ZNF48: variants seen among roughly 807,000 people sequenced by gnomAD.
ZNF48 encodes the protein zinc finger protein 553.
A neutral mutation model predicts 40.0 loss-of-function variants in ZNF48; 20 were observed. The ratio of observed to expected loss-of-function variants is 0.50; its 90% confidence interval spans 0.35 to 0.73. The LOEUF is 0.73. ZNF48 is among the 30% of genes least tolerant of loss of function. ZNF48 has a pLI of 0.01. For synonymous variants in ZNF48, 298 were observed against 329.7 expected, an observed-to-expected ratio of 0.90 and a Z score of 1.04; for missense variants, 726 against 851.9, an observed-to-expected ratio of 0.85 and a Z score of 1.84.
At position 30,397,795 on chromosome 16, in the gene ZNF48, G is replaced by C. The variant is rs958634708; in HGVS notation, c.545G>C (p.Arg182Pro). Residue 182 changes from arginine (R) to proline (P), a missense_variant, in exon 3 of 3, where the codon CGG (arginine) becomes CCG (proline). By Grantham distance (103) the Arg-to-Pro change is moderately radical. Coordinates refer to ENST00000613509, the MANE Select transcript of ZNF48 (RefSeq NM_001214909.2). This position sits in a 1 kb window ranked among gnomAD's most constrained non-coding sequence, Gnocchi z 4.1. ...PPAQGPPKIP[R>P]SRIPAGERPT... ...GCCCAGGGTCCCCCAAAGATTCCTC[G>C]GTCCCGGATCCCTGCTGGTGAGCGC... The C allele has an allele frequency of 1.2e-6, 2 of 1,613,340 alleles. No homozygotes were observed. Among genetic ancestry groups the C allele is most frequent in the African/African-American group, 1.3e-5 (1 of 74,736 alleles).
chr16:30,387,273 G>A (rs1597013454), intron 1 of ZNF48, among the ~76,000 whole-genome samples: 1 of 144,982 alleles, frequency 6.9e-6, no homozygotes, highest in Non-Finnish European at 1.5e-5. Context: ...ACAGTGTTTC[G>A]GCGGGGCGCC....
chr16:30,383,756 C>T (rs1387918984), intron 1 of ZNF48, among the ~76,000 whole-genome samples: 5 of 152,202 alleles, frequency 3.3e-5, no homozygotes, highest in Non-Finnish European at 7.3e-5. Context: ...GCCTCATCAC[C>T]CCATCTCTCA....
At chr16:30,394,319 A>G (rs1157181120), upstream of ZNF48, among the ~76,000 whole-genome samples, 1 of 152,212 alleles carries the variant, frequency 6.6e-6, no homozygotes, top group Admixed American at 6.5e-5. Context: ...AATGTGAATT[A>G]ATGCATAAAC....
intron 2 of ZNF48, among the ~76,000 whole-genome samples, chr16:30,396,309 C>T (rs1443255103): frequency 6.6e-6 from 1 of 152,148 alleles, no homozygotes; most frequent in Non-Finnish European, 1.5e-5. Flanking sequence ...CAGGTTAGTC[C>T]CAACATCCTT....
At chr16:30,379,640 CTT>C (rs71149011) in intron 1 of ZNF48, 3,958 of 236,986 alleles carry the variant, frequency 0.017, no homozygotes, top group Non-Finnish European at 0.02. Flanking sequence ...GCCCCTTCCT[CTT>C]TTTTTTTTTT....
At position 30,382,296 on chromosome 16, in the gene ZNF48, C is replaced by T; in HGVS notation, c.-16+3886C>T. Reference sequence around the variant, plus strand: ...AGACCTGCCACCATTAGCGTGAAGTCAAACCCCTTCTTGACAGACTTGCGG... The same window carrying T: ...AGACCTGCCACCATTAGCGTGAAGTTAAACCCCTTCTTGACAGACTTGCGG... On this transcript the variant is annotated intron_variant, in intron 1 of 2. Transcript: ENST00000528032. This position sits in a 1 kb window ranked among gnomAD's most constrained non-coding sequence, Gnocchi z 4.8. The T allele has an allele frequency of 6.2e-7, 1 of 1,613,878 alleles. No individual in the cohort carries two copies. The highest frequency in any genetic ancestry group is 8.5e-7 in the Non-Finnish European group (1 of 1,179,828).
Position 30,395,781 on chromosome 16 carries a change from G to A in ZNF48, c.-14G>A, listed in dbSNP as rs1256243687. On this transcript the variant is annotated splice_region_variant and 5_prime_UTR_variant, in exon 2 of 3. Transcript: ENST00000613509. This position sits in a 1 kb window ranked among gnomAD's most constrained non-coding sequence, Gnocchi z 5.9. ...GATGCTGTCTGTCCCCTTGCTCAGGGCGGCGTGCCGGCGATGGAGCGCGCG... is the reference window on the plus strand; with the variant it reads ...GATGCTGTCTGTCCCCTTGCTCAGGACGGCGTGCCGGCGATGGAGCGCGCG... The A allele has an allele frequency of 6.5e-7, 1 of 1,535,888 alleles. No homozygotes were observed. The highest frequency in any genetic ancestry group is 1.9e-5 in the Admixed American group (1 of 51,718).
In ZNF48 at chr16:30,398,156, CT is replaced by C; in HGVS notation, c.909del (p.Phe303LeufsTer17). ...HQRSHLGPKP[F>X]GCDVCGKEFA... is the part of the protein sequence containing the mutation. ...AGCGTAGTCACTTGGGGCCCAAGCCCTTTGGCTGTGATGTGTGTGGAAAGGA... is the reference window on the plus strand; with the variant it reads ...AGCGTAGTCACTTGGGGCCCAAGCCCTTGGCTGTGATGTGTGTGGAAAGGA... On this transcript the variant is annotated frameshift_variant, in exon 3 of 3. Coordinates refer to ENST00000613509, the MANE Select transcript of ZNF48 (RefSeq NM_001214909.2). LOFTEE classifies it high-confidence loss of function. This position sits in a 1 kb window ranked among gnomAD's most constrained non-coding sequence, Gnocchi z 6.6. The C allele has an allele frequency of 6.2e-7, 1 of 1,614,028 alleles. No individual in the cohort carries two copies. The highest frequency in any genetic ancestry group is 8.5e-7 in the Non-Finnish European group (1 of 1,179,928).
chr16:30,383,932 A>T (rs2049879067), intron 1 of ZNF48, among the ~76,000 whole-genome samples: 1 of 152,070 alleles, frequency 6.6e-6, no homozygotes, highest in Admixed American at 6.6e-5. Flanking sequence ...GATTCCCAGC[A>T]CCTGGCTGGC....
chr16:30,381,336 G>A lies in ZNF48; in HGVS notation c.-16+2926G>A, dbSNP rs1342652545. ...GCCAGCCCCCAGGATCCCCCCACCAGACCCCCGGCCGAAGGGTGAGATGAA... is the reference window on the plus strand; with the variant it reads ...GCCAGCCCCCAGGATCCCCCCACCAAACCCCCGGCCGAAGGGTGAGATGAA... On this transcript the variant is annotated intron_variant, in intron 1 of 2. Coordinates refer to the ZNF48 transcript ENST00000528032. The surrounding 1 kb of genome is among the most constrained non-coding windows in gnomAD (Gnocchi z 4.3). 2.5e-6 allele frequency: 4 copies of A among 1,571,970 alleles called. No homozygotes were observed. The highest frequency in any genetic ancestry group is 1.7e-6 in the Non-Finnish European group (2 of 1,146,356).
In ZNF48 at chr16:30,395,493, C is replaced by A; in HGVS notation, c.-101C>A. ...CCGGCTTGGCGCGGAGCCTGCATCC[C>A]GGAGCCGCTGGCGGCTCGGGCGCCT... On this transcript the variant is annotated 5_prime_UTR_variant, in exon 1 of 3. Transcript: ENST00000613509. This position sits in a 1 kb window ranked among gnomAD's most constrained non-coding sequence, Gnocchi z 5.9. 3.1e-6 allele frequency: 1 copy of A among 319,512 alleles called. No individual in the cohort carries two copies. Among genetic ancestry groups the A allele is most frequent in the Non-Finnish European group, 6.1e-6 (1 of 163,394 alleles). 19.8% of individuals were successfully genotyped at this position (319,512 alleles called of 1,614,324 possible).
At chr16:30,394,140 G>C (rs2049962236), upstream of ZNF48, among the ~76,000 whole-genome samples, 1 of 151,886 alleles carries the variant, frequency 6.6e-6, no homozygotes, top group African/African-American at 2.4e-5. Flanking sequence ...CAGGTTCAGG[G>C]AATCCTCTCA....
intron 1 of ZNF48, chr16:30,383,027 A>T (rs2049871444): frequency 1.8e-6 from 1 of 546,226 alleles, no homozygotes; most frequent in Non-Finnish European, 3.3e-6. Flanking sequence ...ACAAAACATT[A>T]AAAAATTAGC....
rs769990472 is a variant in ZNF48 at position 30,398,771 on chromosome 16, G to A, written c.1521G>A (p.Arg507=). The A allele has an allele frequency of 6.2e-7, 1 of 1,613,542 alleles. No individual in the cohort carries two copies. Among genetic ancestry groups the A allele is most frequent in the Non-Finnish European group, 8.5e-7 (1 of 1,179,988 alleles). Residue 507 remains arginine, a synonymous_variant, in exon 3 of 3, where the codon CGG becomes CGA. Coordinates refer to ENST00000613509, the MANE Select transcript of ZNF48 (RefSeq NM_001214909.2). This position sits in a 1 kb window ranked among gnomAD's most constrained non-coding sequence, Gnocchi z 6.6. ...HLRTHRGERA[R]PPPPSTLLRP... ...GCACCCACCGTGGTGAACGGGCCCGGCCACCACCACCATCCACTCTGCTGC... is the reference window on the plus strand; with the variant it reads ...GCACCCACCGTGGTGAACGGGCCCGACCACCACCACCATCCACTCTGCTGC...
In ZNF48 at chr16:30,381,302, C is replaced by T; in HGVS notation, c.-16+2892C>T. On this transcript the variant is annotated intron_variant, in intron 1 of 2. Coordinates refer to the ZNF48 transcript ENST00000528032. The surrounding 1 kb of genome is among the most constrained non-coding windows in gnomAD (Gnocchi z 4.3). ...AGGGGGCAGAGACCCCCCAGCCCTCCCTAAATGCGCCAGCCCCCAGGATCC... is the reference window on the plus strand; with the variant it reads ...AGGGGGCAGAGACCCCCCAGCCCTCTCTAAATGCGCCAGCCCCCAGGATCC... 1 of 1,611,706 alleles carries T rather than the reference C, an allele frequency of 6.2e-7. No homozygotes were observed. Among genetic ancestry groups the T allele is most frequent in the African/African-American group, 1.3e-5 (1 of 74,832 alleles).
chr16:30,399,064 G>A lies in ZNF48; in HGVS notation c.1814G>A (p.Arg605Lys). ...VLTPFGIGDG[R>K]ARPLKQEAAT... is the part of the protein sequence containing the mutation. Reference sequence around the variant, plus strand: ...ACGCCCTTTGGGATAGGGGATGGTAGGGCAAGGCCCCTCAAGCAGGAGGCA... The same window carrying A: ...ACGCCCTTTGGGATAGGGGATGGTAAGGCAAGGCCCCTCAAGCAGGAGGCA... Residue 605 changes from arginine to lysine, a missense_variant, in exon 3 of 3, where the codon AGG becomes AAG. Coordinates refer to ENST00000613509, the MANE Select transcript of ZNF48 (RefSeq NM_001214909.2). The A allele has an allele frequency of 6.2e-7, 1 of 1,606,908 alleles. No individual in the cohort carries two copies. Among genetic ancestry groups the A allele is most frequent in the Non-Finnish European group, 8.5e-7 (1 of 1,175,858 alleles).
At chr16:30,387,294 C>G (rs1420705886) in intron 1 of ZNF48, among the ~76,000 whole-genome samples, 2 of 146,532 alleles carry the variant, frequency 1.4e-5, no homozygotes, top group Non-Finnish European at 3.0e-5. Context: ...ATGGCTCACT[C>G]CTGTAATCCC....
chr16:30,399,161 T>G lies in ZNF48; in HGVS notation c.*54T>G. The G allele has an allele frequency of 6.7e-7, 1 of 1,483,354 alleles. No individual in the cohort carries two copies. The highest frequency in any genetic ancestry group is 1.3e-5 in the South Asian group (1 of 74,864). 91.9% of individuals were successfully genotyped at this position (1,483,354 alleles called of 1,614,324 possible). On this transcript the variant is annotated 3_prime_UTR_variant, in exon 3 of 3. Transcript: ENST00000613509. ...AGACCAAAGGGAGGGGCTCTGCCGC[T>G]TAGCAGAGAAGAAAGGGCCTGGGAG...
chr16:30,379,843 G>T, intron 1 of ZNF48: 1 of 747,514 alleles, frequency 1.3e-6, no homozygotes, highest in Non-Finnish European at 2.3e-6. Flanking sequence ...CTGACCTCAG[G>T]GGATCCTCCC....
Sources: gnomAD v4.1 joint callset for allele counts (sites outside exome capture counted in the v4.1 genomes callset) on GRCh38, gnomAD v4.1.1 for gene constraint, Gnocchi (gnomAD v3.1) non-coding constraint, MANE v1.5 for transcripts, NCBI Gene and HGNC (gene_info 2026-07-23, HGNC 2026-07-21) for gene names.